MRTFA: variants seen among roughly 807,000 people sequenced by gnomAD.
The protein encoded by MRTFA is myocardin related transcription factor A.
A neutral mutation model predicts 83.5 loss-of-function variants in MRTFA; 20 were observed. That is an observed-to-expected ratio of 0.24 (90% CI 0.17 to 0.35). The LOEUF is 0.35. Ranked by LOEUF, MRTFA falls within the 10% of genes least tolerant of loss-of-function variation. The pLI, the probability that MRTFA is intolerant of heterozygous loss-of-function variation, is 1.00. For missense variants in MRTFA, 1,200 were observed against 1,224.7 expected (o/e 0.98, Z 0.30); for synonymous variants, 659 against 541.2 (o/e 1.22, Z -3.02).
At chr22:40,543,855 C>T (rs1406675100) in intron 3 of MRTFA, among the ~76,000 whole-genome samples, 1 of 152,116 alleles carries the variant, frequency 6.6e-6, no homozygotes, top group African/African-American at 2.4e-5. Context: ...TATGGAAATG[C>T]AAATGACCAA....
intron 3 of MRTFA, among the ~76,000 whole-genome samples, chr22:40,531,690 T>G (rs1347520141): frequency 6.6e-6 from 1 of 152,200 alleles, no homozygotes; most frequent in African/African-American, 2.4e-5. Context: ...CCCAAAAGTC[T>G]TGACTTTTCA....
chr22:40,472,069 G>A (rs1424939727), intron 3 of MRTFA, among the ~76,000 whole-genome samples: 1 of 152,052 alleles, frequency 6.6e-6, no homozygotes, highest in Non-Finnish European at 1.5e-5. Context: ...CAAAATACTA[G>A]GAAATGAAGC....
rs763913389 is a variant in MRTFA at position 40,418,523 on chromosome 22, G to C, written c.2215C>G (p.Gln739Glu). The change falls in exon 12 of 15, where the codon CAG becomes GAG. Residue 739 changes from glutamine to glutamate, a missense_variant. Gln to Glu is a conservative substitution (Grantham distance 29). This residue lies in a region of MRTFA where 1,107 missense variants were observed against 1,041.8 expected (regional missense o/e 1.06). Coordinates refer to ENST00000355630, the MANE Select transcript of MRTFA (RefSeq NM_020831.6). ...GGGCCCTGAGGCCCCAGAAGCAACT[G>C]GGGGGCGGGGACCGGCTCGGGCTCA... is the stretch of plus-strand genomic sequence containing the variant. 28 of 1,589,910 alleles carry C rather than the reference G, an allele frequency of 1.8e-5. No homozygotes were observed. Among genetic ancestry groups the C allele is most frequent in the Middle Eastern group, 3.4e-4 (2 of 5,932 alleles).
At chr22:40,418,222 C>T in intron 12 of MRTFA, 152 bp downstream of exon 12, 1 of 1,417,888 alleles carries the variant, frequency 7.1e-7, no homozygotes, top group East Asian at 2.6e-5. Context: ...CCTTAACTTT[C>T]CTAAGTCTCA....
At chr22:40,417,086 T>C (rs1479295248) in intron 13 of MRTFA, 40 bp from the exon 14 acceptor site, 9 of 1,546,664 alleles carry the variant, frequency 5.8e-6, no homozygotes, top group Non-Finnish European at 7.9e-6. Context: ...ATAAAAATCT[T>C]GAATGGGGGC....
At chr22:40,494,720 T>C (rs2054323264) in intron 3 of MRTFA, among the ~76,000 whole-genome samples, 1 of 150,170 alleles carries the variant, frequency 6.7e-6, no homozygotes, top group Non-Finnish European at 1.5e-5. Context: ...TTTAACAGAA[T>C]ACTACTTCAG....
intron 1 of MRTFA, among the ~76,000 whole-genome samples, chr22:40,600,512 T>C (rs755064982): frequency 1.3e-5 from 2 of 152,128 alleles, no homozygotes; most frequent in African/African-American, 4.8e-5. Context: ...GAGATTATAT[T>C]TGATTAAGGT....
chr22:40,414,344 A>G (rs1282091009), intron 14 of MRTFA, among the ~76,000 whole-genome samples: 8 of 152,232 alleles, frequency 5.3e-5, no homozygotes, highest in African/African-American at 2.4e-5. Flanking sequence ...CTCCAAGGAA[A>G]AAAAAAGAAG....
At chr22:40,475,174 T>A (rs1234946521) in intron 3 of MRTFA, among the ~76,000 whole-genome samples, 1 of 152,160 alleles carries the variant, frequency 6.6e-6, no homozygotes, top group Non-Finnish European at 1.5e-5. Flanking sequence ...CCATTAGAGC[T>A]AGGAGTTCTG....
chr22:40,446,760 T>A (rs1399176654), intron 4 of MRTFA, among the ~76,000 whole-genome samples: 3 of 152,036 alleles, frequency 2.0e-5, no homozygotes, highest in Non-Finnish European at 4.4e-5. Flanking sequence ...GAATAAGAAG[T>A]GAGAAAGTGG....
At chr22:40,503,876 C>G (rs2054537671) in intron 3 of MRTFA, among the ~76,000 whole-genome samples, 1 of 151,868 alleles carries the variant, frequency 6.6e-6, no homozygotes, top group Non-Finnish European at 1.5e-5. Flanking sequence ...GAGCTGAGAT[C>G]GTGCCACTGC....
In MRTFA at chr22:40,527,183, A is replaced by G. The variant is rs546940932; in HGVS notation, c.241+24923T>C. 1.1e-4 allele frequency among the ~76,000 whole-genome samples: 16 copies of G among 152,064 alleles called. No homozygotes were observed. The South Asian group carries it at 3.1e-3, about 30-fold the overall frequency. ...AAATACTTTTAAATTATGACAGACT[A>G]TAAAAATTTCACTACTGAGTTTGTT... On this transcript the variant is annotated intron_variant, in intron 3 of 14. Coordinates refer to ENST00000355630, the MANE Select transcript of MRTFA (RefSeq NM_020831.6).
At chr22:40,507,212 T>C (rs566726777) in intron 3 of MRTFA, among the ~76,000 whole-genome samples, 3 of 151,956 alleles carry the variant, frequency 2.0e-5, no homozygotes, top group Non-Finnish European at 4.4e-5. Context: ...ATACAAAAAA[T>C]TAGCCAGGCG....
chr22:40,553,713 G>A (rs1347801709), intron 2 of MRTFA, among the ~76,000 whole-genome samples: 2 of 152,152 alleles, frequency 1.3e-5, no homozygotes, highest in East Asian at 1.9e-4. Context: ...ATGTGGGGTC[G>A]GAGCGCCCAC....
chr22:40,611,099 G>A (rs1309951249), intron 1 of MRTFA, among the ~76,000 whole-genome samples: 1 of 151,640 alleles, frequency 6.6e-6, no homozygotes, highest in African/African-American at 2.4e-5. Context: ...CACCACGCCC[G>A]GCCGATTTTT....
intron 4 of MRTFA, among the ~76,000 whole-genome samples, chr22:40,436,533 A>G (rs542135831): frequency 1.3e-5 from 2 of 152,314 alleles, no homozygotes; most frequent in Non-Finnish European, 2.9e-5. Context: ...GATACCACAC[A>G]AAGACCACAA....
At chr22:40,485,220 T>C (rs1261788656) in intron 3 of MRTFA, among the ~76,000 whole-genome samples, 1 of 152,206 alleles carries the variant, frequency 6.6e-6, no homozygotes, top group Non-Finnish European at 1.5e-5. Context: ...GATACTACCA[T>C]GTACTTTTCC....
chr22:40,475,640 T>C (rs2053981791), intron 3 of MRTFA, among the ~76,000 whole-genome samples: 1 of 152,224 alleles, frequency 6.6e-6, no homozygotes, highest in African/African-American at 2.4e-5. Flanking sequence ...GCCCTACTAC[T>C]GGCAAATTCA....
intron 3 of MRTFA, among the ~76,000 whole-genome samples, chr22:40,476,002 G>A (rs1350633346): frequency 6.6e-6 from 1 of 152,134 alleles, no homozygotes; most frequent in Non-Finnish European, 1.5e-5. Context: ...AAATGAGCCA[G>A]GCGTGGTGGC....
Sources: allele counts gnomAD v4.1 joint callset (sites outside exome capture counted in the v4.1 genomes callset), GRCh38; gene constraint gnomAD v4.1.1; regional missense constraint gnomAD v4.1.1; transcripts MANE v1.5; gene names NCBI Gene and HGNC (gene_info 2026-07-23, HGNC 2026-07-21).